TLK1: variants seen among roughly 807,000 people sequenced by gnomAD.
TLK1 encodes serine/threonine-protein kinase tousled-like 1.
In TLK1, 24 loss-of-function variants were observed where a neutral mutation model predicts 105.3. The ratio of observed to expected loss-of-function variants is 0.23; its 90% confidence interval spans 0.17 to 0.32. The LOEUF is 0.32. Ranked by LOEUF, TLK1 falls within the 10% of genes least tolerant of loss-of-function variation. The probability of loss-of-function intolerance (pLI) is 1.00; values close to 1 mark genes in which losing one functional copy is unlikely to be tolerated. For synonymous variants in TLK1, 321 were observed against 310.4 expected (o/e 1.03, Z -0.36); for missense variants, 558 against 910.5 (o/e 0.61, Z 4.98).
intron 1 of TLK1, among the ~76,000 whole-genome samples, chr2:171,209,305 T>C (rs1342548772): frequency 6.6e-6 from 1 of 152,242 alleles, no homozygotes; most frequent in Non-Finnish European, 1.5e-5. Flanking sequence ...TTATATTGTT[T>C]TGATTTTGAA....
At chr2:171,103,264 TTATATA>T (rs571890429) in intron 2 of TLK1, among the ~76,000 whole-genome samples, 6 of 136,520 alleles carry the variant, frequency 4.4e-5, no homozygotes, top group African/African-American at 1.5e-4. Flanking sequence ...GATCTCAAAT[TTATATA>T]TATATATATA....
chr2:171,050,612 C>G (rs1299238567), intron 8 of TLK1, among the ~76,000 whole-genome samples: 1 of 152,184 alleles, frequency 6.6e-6, no homozygotes, highest in East Asian at 1.9e-4. Flanking sequence ...TTTCCTCTAT[C>G]TCTTATAACT....
In TLK1 at chr2:171,201,960, TTATC is replaced by T. The variant is rs745754354; in HGVS notation, c.-6+29181_-6+29184del. 6.6e-5 allele frequency among the ~76,000 whole-genome samples: 10 copies of T among 151,864 alleles called. No homozygotes were observed. In the East Asian group the frequency reaches 1.2e-3, roughly 18 times the overall value. On this transcript the variant is annotated intron_variant, in intron 1 of 20. Transcript: ENST00000521943. ...ATCTATCTATCATCAATCATATCTATTATCTATCTATCTATCTAGGCAATTTGCC... is the reference window on the plus strand; with the variant it reads ...ATCTATCTATCATCAATCATATCTATTATCTATCTATCTAGGCAATTTGCC...
intron 2 of TLK1, among the ~76,000 whole-genome samples, chr2:171,100,238 T>C (rs531637026): frequency 2.0e-5 from 3 of 152,276 alleles, no homozygotes; most frequent in South Asian, 2.1e-4. Flanking sequence ...ATGCTATGGA[T>C]TGAATATGGT....
At chr2:171,152,713 C>T (rs1692090439) in intron 1 of TLK1, among the ~76,000 whole-genome samples, 1 of 152,116 alleles carries the variant, frequency 6.6e-6, no homozygotes, top group Non-Finnish European at 1.5e-5. Context: ...TATAAAGCCT[C>T]CACAATAAAT....
At chr2:171,061,385 T>G (rs190740594) in intron 3 of TLK1, among the ~76,000 whole-genome samples, 176 of 152,346 alleles carry the variant, frequency 1.2e-3, no homozygotes, top group South Asian at 2.7e-3. Flanking sequence ...TGATATTCAG[T>G]TACAGAATTT....
chr2:171,041,101 T>G (rs1275882098), intron 11 of TLK1, among the ~76,000 whole-genome samples: 2 of 152,196 alleles, frequency 1.3e-5, no homozygotes, highest in East Asian at 3.8e-4. Flanking sequence ...TCAATGTAAG[T>G]GTCAACAGAC....
At chr2:171,080,937 G>C (rs557392534) in intron 3 of TLK1, among the ~76,000 whole-genome samples, 1 of 152,154 alleles carries the variant, frequency 6.6e-6, no homozygotes, top group Non-Finnish European at 1.5e-5. Flanking sequence ...TCGAACTCCT[G>C]GTCTCAAGCA....
At chr2:171,166,349 C>T (rs1692609507) in intron 1 of TLK1, among the ~76,000 whole-genome samples, 1 of 152,266 alleles carries the variant, frequency 6.6e-6, no homozygotes, top group Non-Finnish European at 1.5e-5. Flanking sequence ...CAACTACCTA[C>T]ACAGCTGGTT....
intron 3 of TLK1, among the ~76,000 whole-genome samples, chr2:171,078,620 T>C (rs1032491068): frequency 6.6e-6 from 1 of 152,104 alleles, no homozygotes; most frequent in Non-Finnish European, 1.5e-5. Context: ...TCATAAACAT[T>C]AAGTGATTCA....
chr2:171,006,092 A>G (rs922128171), intron 18 of TLK1, 55 bp downstream of exon 18: 2 of 1,438,200 alleles, frequency 1.4e-6, no homozygotes, highest in South Asian at 1.8e-5. Flanking sequence ...CTAAATTATT[A>G]TAAAAGCACT....
chr2:171,083,534 C>T (rs899294620), intron 2 of TLK1, among the ~76,000 whole-genome samples: 3 of 152,142 alleles, frequency 2.0e-5, no homozygotes, highest in South Asian at 2.1e-4. Flanking sequence ...ACCATCAGTA[C>T]ATCAGATCAT....
intron 1 of TLK1, among the ~76,000 whole-genome samples, chr2:171,206,210 A>G (rs1693503496): frequency 6.6e-6 from 1 of 152,240 alleles, no homozygotes; most frequent in South Asian, 2.1e-4. Flanking sequence ...ATTGTGTCAT[A>G]GTTTAATTAG....
intron 12 of TLK1, among the ~76,000 whole-genome samples, chr2:171,023,910 A>G (rs1189150762): frequency 1.3e-5 from 2 of 152,162 alleles, no homozygotes; most frequent in Non-Finnish European, 2.9e-5. Context: ...CATAATTAGA[A>G]CTTATCAGAG....
chr2:171,060,098 T>A, intron 4 of TLK1: 1 of 1,501,544 alleles, frequency 6.7e-7, no homozygotes, highest in Non-Finnish European at 8.9e-7. Context: ...GTGAGGAAGG[T>A]GAAACAAGAA....
chr2:171,015,916 TA>T (rs1685186369), intron 12 of TLK1, among the ~76,000 whole-genome samples: 1 of 151,820 alleles, frequency 6.6e-6, no homozygotes, highest in South Asian at 2.1e-4. Context: ...CCGTCTCTAC[TA>T]AAAATACAAA....
chr2:171,208,973 G>A (rs990390819), intron 1 of TLK1, among the ~76,000 whole-genome samples: 1 of 152,180 alleles, frequency 6.6e-6, no homozygotes, highest in Non-Finnish European at 1.5e-5. Flanking sequence ...AGAAAAATTA[G>A]AGACAACCTT....
chr2:171,037,551 T>A (rs115702812), intron 11 of TLK1, among the ~76,000 whole-genome samples: 1 of 152,152 alleles, frequency 6.6e-6, no homozygotes, highest in Non-Finnish European at 1.5e-5. Flanking sequence ...CTTCTGCTTG[T>A]TTGCTAAGAG....
intron 2 of TLK1, among the ~76,000 whole-genome samples, chr2:171,097,963 G>A (rs1271757293): frequency 2.0e-5 from 3 of 151,620 alleles, no homozygotes; most frequent in Non-Finnish European, 4.4e-5. Flanking sequence ...GGTGGGGCGG[G>A]GAGAGAGAGG....
Sources: allele counts gnomAD v4.1 joint callset (sites outside exome capture counted in the v4.1 genomes callset), GRCh38; gene constraint gnomAD v4.1.1; transcripts MANE v1.5; gene names NCBI Gene and HGNC (gene_info 2026-07-23, HGNC 2026-07-21).